CARMIL3: variants seen among roughly 807,000 people sequenced by gnomAD.
CARMIL3 encodes capping protein, Arp2/3 and myosin-I linker protein 3.
CARMIL3 carries 88 observed loss-of-function variants against 180.8 expected under a neutral mutation model. That is an observed-to-expected ratio of 0.49 (90% confidence interval 0.41 to 0.58). The LOEUF is 0.58. Among genes scored for constraint, CARMIL3 ranks in the 20% least tolerant of loss-of-function variants. CARMIL3 has a pLI of 0.00. For synonymous variants in CARMIL3, 696 were observed against 714.5 expected (o/e 0.97, Z 0.41); for missense variants, 1,548 against 1,787.0 (o/e 0.87, Z 2.41).
Position 24,068,952 on chromosome 14 carries a change from A to G in CARMIL3, c.3968A>G (p.Glu1323Gly). 1 of 1,563,446 alleles carries G rather than the reference A, an allele frequency of 6.4e-7. No homozygotes were observed. Among genetic ancestry groups the G allele is most frequent in the Non-Finnish European group, 8.7e-7 (1 of 1,153,038 alleles). ...CTGAGCTCACAGCAAGACCAAGAGGAGCCCGAAGTCCAAGGTCTGCCACCC... is the reference window on the plus strand; with the variant it reads ...CTGAGCTCACAGCAAGACCAAGAGGGGCCCGAAGTCCAAGGTCTGCCACCC... ...LRLSSQQDQE[E>G]PEVQGPPDPG... The change falls in exon 38 of 40, where the codon GAG becomes GGG. Residue 1323 changes from glutamate to glycine, a missense_variant. Transcript: ENST00000342740.
chr14:24,060,680 T>G lies in CARMIL3; in HGVS notation c.2114T>G (p.Leu705Arg). The G allele has an allele frequency of 1.2e-6, 2 of 1,613,834 alleles. No homozygotes were observed. Among genetic ancestry groups the G allele is most frequent in the Non-Finnish European group, 1.7e-6 (2 of 1,179,804 alleles). The change falls in exon 25 of 40, where the codon CTA (leucine) becomes CGA (arginine). Residue 705 changes from leucine to arginine, a missense_variant. Physicochemically the swap from Leu to Arg is moderately radical, Grantham distance 102. Coordinates refer to ENST00000342740, the MANE Select transcript of CARMIL3 (RefSeq NM_138360.4). ...CAGGAGGAGGTGCGGGCCCTGAGAC[T>G]ATGCCCCCTGGAGCCTGTGCAGGAT... ...RVQEEVRALR[L>R]CPLEPVQDEL...
Position 24,068,688 on chromosome 14 carries a change from G to C in CARMIL3, c.3787G>C (p.Ala1263Pro). The C allele has an allele frequency of 6.2e-7, 1 of 1,613,664 alleles. No homozygotes were observed. Among genetic ancestry groups the C allele is most frequent in the South Asian group, 1.1e-5 (1 of 90,998 alleles). The change falls in exon 37 of 40, where the codon GCT becomes CCT. Residue 1263 changes from alanine to proline, a missense_variant. Around this residue, in one of 4 missense-constraint regions of CARMIL3, gnomAD observed 668 missense variants for 687.8 expected, o/e 0.97. Transcript: ENST00000342740. ...CCTCTTCCCAGAGAGGACACTTCCA[G>C]CTAGGAATGCCAAGGTGAGAGCTGG... ...GTLFPERTLP[A>P]RNAKLQDPAL...
chr14:24,069,443 C>T lies in CARMIL3; in HGVS notation c.*39C>T, dbSNP rs376949566. On this transcript the variant is annotated 3_prime_UTR_variant, in exon 40 of 40. Coordinates refer to ENST00000342740, the MANE Select transcript of CARMIL3 (RefSeq NM_138360.4). Reference sequence around the variant, plus strand: ...ACCCTCCTCAGCCCTCGACATGTGCCTCGCAAGGACTCAGACCCCTATCCA... The same window carrying T: ...ACCCTCCTCAGCCCTCGACATGTGCTTCGCAAGGACTCAGACCCCTATCCA... 3 of 1,613,750 alleles carry T rather than the reference C, an allele frequency of 1.9e-6. No homozygotes were observed. Among genetic ancestry groups the T allele is most frequent in the African/African-American group, 2.7e-5 (2 of 74,894 alleles).
rs1358100883 is a variant in CARMIL3, at chr14:24,059,231, G to A, written c.1627-39G>A. On this transcript the variant is annotated intron_variant, in intron 20 of 39. Transcript: ENST00000342740. This position sits in a 1 kb window ranked among gnomAD's most constrained non-coding sequence, Gnocchi z 6.3. ...GGGAGGGGACCTGCAGTCGGAGGAG[G>A]CTGTGGGGACTGGGTCCAACCGCCC... 3 of 1,613,802 alleles carry A rather than the reference G, an allele frequency of 1.9e-6. No homozygotes were observed. Among genetic ancestry groups the A allele is most frequent in the African/African-American group, 1.3e-5 (1 of 75,054 alleles).
chr14:24,063,074 C>T lies in CARMIL3; in HGVS notation c.2707-46C>T, dbSNP rs1170470420. On this transcript the variant is annotated intron_variant, in intron 29 of 39. Coordinates refer to ENST00000342740, the MANE Select transcript of CARMIL3 (RefSeq NM_138360.4). The stretch of plus-strand genomic sequence containing the variant: ...ATAAGGTTTCATGAGGAATGGATGG[C>T]TCTGGGTGAGGTGCCTGGCCCTGCC... The T allele has an allele frequency of 1.9e-6, 3 of 1,602,110 alleles. No individual in the cohort carries two copies. The African/African-American group carries it at 4.0e-5, about 21-fold the overall frequency.
chr14:24,058,866 AG>A lies in CARMIL3; in HGVS notation c.1475-22del, dbSNP rs1268963931. 6.2e-7 allele frequency: 1 copy of A among 1,614,050 alleles called. No homozygotes were observed. Among genetic ancestry groups the A allele is most frequent in the Non-Finnish European group, 8.5e-7 (1 of 1,179,900 alleles). ...CCAGTCAGCCTCAGGCCTCCAGGCC[AG>A]GCCTCTCCCATCTGCTCACCAGGGT... is the stretch of plus-strand genomic sequence containing the variant. On this transcript the variant is annotated intron_variant, in intron 18 of 39. Coordinates refer to ENST00000342740, the MANE Select transcript of CARMIL3 (RefSeq NM_138360.4). This position sits in a 1 kb window ranked among gnomAD's most constrained non-coding sequence, Gnocchi z 6.4.
chr14:24,052,609 A>G (rs1594545282), intron 1 of CARMIL3, among the ~76,000 whole-genome samples: 1 of 150,030 alleles, frequency 6.7e-6, no homozygotes, highest in African/African-American at 2.5e-5. Context: ...GTGGCTTAAC[A>G]CCCTCCCTCC....
chr14:24,061,834 G>A lies in CARMIL3; in HGVS notation c.2480+162G>A, dbSNP rs554707305. ...AACCTTGCTATTTAGGGTCTGGCTG[G>A]TCTTTGCCCTAGAAATCTAAGTGCT... On this transcript the variant is annotated intron_variant, in intron 27 of 39. Coordinates refer to ENST00000342740, the MANE Select transcript of CARMIL3 (RefSeq NM_138360.4). This position sits in a 1 kb window ranked among gnomAD's most constrained non-coding sequence, Gnocchi z 4.1. 1.7e-5 allele frequency: 15 copies of A among 868,898 alleles called. No individual in the cohort carries two copies. In the South Asian group the frequency reaches 2.4e-4, roughly 14 times the overall value. 53.8% of individuals were successfully genotyped at this position (868,898 alleles called of 1,614,324 possible). A position where few individuals can be genotyped will look rare whatever the true frequency, so the allele number is the denominator to read the frequency against.
rs1426319880 is a variant in CARMIL3 at position 24,058,376 on chromosome 14, T to C, written c.1392+152T>C. ...ACCACTTTCCCCTCTCAGTCTGGCC[T>C]CTTTTCCAGAGGCCATTCATTCTCA... On this transcript the variant is annotated intron_variant, in intron 17 of 39. Transcript: ENST00000342740. This position sits in a 1 kb window ranked among gnomAD's most constrained non-coding sequence, Gnocchi z 6.4. 8.5e-6 allele frequency: 7 copies of C among 828,226 alleles called. No homozygotes were observed. The highest frequency in any genetic ancestry group is 1.3e-5 in the Non-Finnish European group (7 of 527,450). The allele number at this position is 828,226 out of a possible 1,614,324, so 51.3% of individuals were successfully genotyped here.
In CARMIL3 at chr14:24,054,076, C is replaced by G; in HGVS notation, c.136-12C>G. 1.2e-6 allele frequency: 2 copies of G among 1,613,284 alleles called. No individual in the cohort carries two copies. Among genetic ancestry groups the G allele is most frequent in the Non-Finnish European group, 1.7e-6 (2 of 1,179,942 alleles). On this transcript the variant is annotated splice_polypyrimidine_tract_variant and intron_variant, in intron 2 of 39. Transcript: ENST00000342740. This position sits in a 1 kb window ranked among gnomAD's most constrained non-coding sequence, Gnocchi z 5.1. The stretch of plus-strand genomic sequence containing the variant: ...GCTGCCATGAGCTGCCGATTTTTTC[C>G]TCTCTCTGTAGGCCCTGACCTCCTG...
chr14:24,060,062 A>G lies in CARMIL3; in HGVS notation c.1961A>G (p.Lys654Arg). 3 of 1,613,980 alleles carry G rather than the reference A, an allele frequency of 1.9e-6. No homozygotes were observed. The highest frequency in any genetic ancestry group is 2.5e-6 in the Non-Finnish European group (3 of 1,180,028). ...APERTEDVWQKIQWCLVRNNH... is the reference protein window; with the variant it reads ...APERTEDVWQRIQWCLVRNNH... The stretch of plus-strand genomic sequence containing the variant: ...GAGCGCACCGAGGACGTCTGGCAGA[A>G]GGTGCAGGGTGCTGTCCTAAGCAGG... Residue 654 changes from lysine (K) to arginine (R), a missense_variant and splice_region_variant, in exon 23 of 40, where the codon AAG becomes AGG. By Grantham distance (26) the Lys-to-Arg change is conservative. This residue lies in a region of CARMIL3 where 297 missense variants were observed against 415.9 expected (regional missense o/e 0.71). Transcript: ENST00000342740.
Position 24,059,489 on chromosome 14 carries a change from C to G in CARMIL3, c.1799+47C>G, listed in dbSNP as rs143975492. On this transcript the variant is annotated intron_variant, in intron 21 of 39. Coordinates refer to ENST00000342740, the MANE Select transcript of CARMIL3 (RefSeq NM_138360.4). The surrounding 1 kb of genome is among the most constrained non-coding windows in gnomAD (Gnocchi z 6.3). ...CCTGACCTGGAGCCCCAGCCCCTCC[C>G]CATATGTACATAATCTCCCTGCTTT... 1.3e-6 allele frequency: 2 copies of G among 1,544,490 alleles called. No homozygotes were observed. Among genetic ancestry groups the G allele is most frequent in the African/African-American group, 2.7e-5 (2 of 72,818 alleles).
chr14:24,054,758 A>C lies in CARMIL3; in HGVS notation c.410A>C (p.Asp137Ala), dbSNP rs1476195282. ...GNADTPEGPR[D>A]TSPNSETSTS... ...GCAGACACCCCAGAGGGGCCCCGAG[A>C]TACATCCCCCAACTCTGAGACTTCC... Residue 137 changes from aspartate (D) to alanine (A), a missense_variant, in exon 6 of 40, where the codon GAT (aspartate) becomes GCT (alanine). By Grantham distance (126) the Asp-to-Ala change is moderately radical. This residue lies in a region of CARMIL3 where 578 missense variants were observed against 666.5 expected (regional missense o/e 0.87). Coordinates refer to ENST00000342740, the MANE Select transcript of CARMIL3 (RefSeq NM_138360.4). This position sits in a 1 kb window ranked among gnomAD's most constrained non-coding sequence, Gnocchi z 5.1. The C allele has an allele frequency of 6.2e-7, 1 of 1,614,082 alleles. No homozygotes were observed. The highest frequency in any genetic ancestry group is 1.7e-5 in the Admixed American group (1 of 60,020).
chr14:24,057,365 T>G, intron 14 of CARMIL3, 121 bp downstream of exon 14: 10 of 851,562 alleles, frequency 1.2e-5, no homozygotes, highest in African/African-American at 1.7e-5. Flanking sequence ...GACTTCAGGT[T>G]CAGCTGAAGT....
At chr14:24,064,886 A>G (rs2138783779) in intron 32 of CARMIL3, 72 bp from the exon 33 acceptor site, 1 of 1,486,600 alleles carries the variant, frequency 6.7e-7, no homozygotes, top group Non-Finnish European at 9.2e-7. Flanking sequence ...GATGAGAGGA[A>G]AGCAGGTTTA....
At chr14:24,064,935 TA>T in intron 32 of CARMIL3, 22 bp from the exon 33 acceptor site, 1 of 1,603,864 alleles carries the variant, frequency 6.2e-7, no homozygotes, top group Non-Finnish European at 8.5e-7. Context: ...CATTTGTTGC[TA>T]ACTTACCCCG....
At chr14:24,069,076 G>C in intron 38 of CARMIL3, 61 bp from the exon 39 acceptor site, 1 of 1,604,236 alleles carries the variant, frequency 6.2e-7, no homozygotes, top group Non-Finnish European at 8.5e-7. Flanking sequence ...GTCACAGCCT[G>C]GATGAGCATC....
At chr14:24,066,266 G>T in intron 34 of CARMIL3, 132 bp from the exon 35 acceptor site, 1 of 1,086,614 alleles carries the variant, frequency 9.2e-7, no homozygotes, top group Non-Finnish European at 1.3e-6. Context: ...GCCACTCTTT[G>T]GGAAACAGTT....
At position 24,057,158 on chromosome 14, in the gene CARMIL3, C is replaced by T; in HGVS notation, c.1063-9C>T. On this transcript the variant is annotated splice_polypyrimidine_tract_variant and intron_variant, in intron 13 of 39. Transcript: ENST00000342740. ...CTTCCCCTGCAACCCCTCTTCCTTC[C>T]TACTCCAGGCCCTCTACAGTTTCCT... 6.2e-7 allele frequency: 1 copy of T among 1,613,612 alleles called. No homozygotes were observed. The highest frequency in any genetic ancestry group is 8.5e-7 in the Non-Finnish European group (1 of 1,179,780).
Sources: gnomAD v4.1 joint callset for allele counts (sites outside exome capture counted in the v4.1 genomes callset) on GRCh38, gnomAD v4.1.1 for gene constraint, gnomAD v4.1.1 regional missense constraint, Gnocchi (gnomAD v3.1) non-coding constraint, MANE v1.5 for transcripts, NCBI Gene and HGNC (gene_info 2026-07-23, HGNC 2026-07-21) for gene names.